Variants in OTOGL observed in about 807,000 individuals in gnomAD.
OTOGL encodes the protein otogelin-like protein.
OTOGL carries 285 observed loss-of-function variants against 318.5 expected under a neutral mutation model. That is an observed-to-expected ratio of 0.89 (90% confidence interval 0.81 to 0.99). The LOEUF (loss-of-function observed/expected upper bound fraction) is 0.99. Ranked by LOEUF, OTOGL falls within the 50% of genes least tolerant of loss-of-function variation. The pLI is 0.00. For missense variants in OTOGL, 2,899 were observed against 2,845.6 expected, an observed-to-expected ratio of 1.02 and a Z score of -0.43; for synonymous variants, 987 against 936.5, an observed-to-expected ratio of 1.05 and a Z score of -0.99.
In OTOGL at chr12:80,236,812, T is replaced by TTTTC. The variant is rs1247609819; in HGVS notation, c.818-2035_818-2032dup. Among the ~76,000 whole-genome samples, 485 of 147,188 alleles carry TTTTC rather than the reference T, an allele frequency of 3.3e-3. 3 individuals are homozygous for TTTTC. Among genetic ancestry groups the TTTTC allele is most frequent in the African/African-American group, 0.012 (459 of 39,610 alleles). On this transcript the variant is annotated intron_variant, in intron 9 of 58. Coordinates refer to ENST00000547103, the MANE Select transcript of OTOGL (RefSeq NM_001378609.3). ...TTTTGTTTTTCTTTTTTTCTTTTTC[T>TTTTC]TTTCTTTTTTTTTTTTGTTTGAGAC...
intron 44 of OTOGL, among the ~76,000 whole-genome samples, chr12:80,348,205 C>T (rs1889322711): frequency 6.6e-6 from 1 of 151,524 alleles, no homozygotes. Context: ...CCATGACTGT[C>T]CTGAATGATA....
At chr12:80,289,705 A>G (rs2137672750) in intron 26 of OTOGL, among the ~76,000 whole-genome samples, 1 of 152,196 alleles carries the variant, frequency 6.6e-6, no homozygotes, top group East Asian at 1.9e-4. Flanking sequence ...TGAGGGGAAA[A>G]CCATCTACTC....
intron 1 of OTOGL, among the ~76,000 whole-genome samples, chr12:80,157,291 AT>A (rs899073094): frequency 6.6e-6 from 1 of 151,808 alleles, no homozygotes; most frequent in African/African-American, 2.4e-5. Flanking sequence ...AGATTATTAG[AT>A]TTTTTTCCCC....
At chr12:80,266,648 G>A in intron 21 of OTOGL, 32 bp downstream of exon 21, 3 of 1,582,252 alleles carry the variant, frequency 1.9e-6, no homozygotes, top group East Asian at 4.5e-5. Flanking sequence ...GCAGCATCCT[G>A]TTTTAATCTC....
chr12:80,351,381 T>C (rs1889539076), intron 44 of OTOGL, among the ~76,000 whole-genome samples: 1 of 152,096 alleles, frequency 6.6e-6, no homozygotes, highest in Non-Finnish European at 1.5e-5. Context: ...AGTGGTGCGA[T>C]CTCGGCTCAC....
intron 1 of OTOGL, among the ~76,000 whole-genome samples, chr12:80,107,690 G>C (rs1869537651): frequency 6.6e-6 from 1 of 151,926 alleles, no homozygotes; most frequent in African/African-American, 2.4e-5. Context: ...CAAAGACATG[G>C]AATCAACCTA....
At chr12:80,193,284 G>A (rs1423714278) in intron 1 of OTOGL, among the ~76,000 whole-genome samples, 1 of 152,202 alleles carries the variant, frequency 6.6e-6, no homozygotes, top group Non-Finnish European at 1.5e-5. Context: ...TTGGGAGGCT[G>A]TGGTGGGCAG....
chr12:80,311,607 A>G (rs578216938), intron 30 of OTOGL, among the ~76,000 whole-genome samples: 1 of 152,032 alleles, frequency 6.6e-6, no homozygotes, highest in Non-Finnish European at 1.5e-5. Context: ...GGGTCTCGCC[A>G]TGTTGGCCAG....
At chr12:80,239,979 T>C (rs1327865748) in intron 11 of OTOGL, among the ~76,000 whole-genome samples, 6 of 152,258 alleles carry the variant, frequency 3.9e-5, no homozygotes, top group Admixed American at 1.3e-4. Context: ...GAATGTGTGA[T>C]ATTTGTCTTT....
At chr12:80,283,131 T>A (rs1332586631) in intron 26 of OTOGL, among the ~76,000 whole-genome samples, 1 of 151,986 alleles carries the variant, frequency 6.6e-6, no homozygotes, top group African/African-American at 2.4e-5. Context: ...CAAATTGATG[T>A]GTAGAGCTCT....
At chr12:80,183,669 G>A (rs934864248) in intron 1 of OTOGL, among the ~76,000 whole-genome samples, 1 of 152,220 alleles carries the variant, frequency 6.6e-6, no homozygotes, top group African/African-American at 2.4e-5. Flanking sequence ...GAATGTGTAA[G>A]ATTCCATGAG....
chr12:80,307,513 C>A (rs1261211477), intron 29 of OTOGL, among the ~76,000 whole-genome samples: 1 of 147,724 alleles, frequency 6.8e-6, no homozygotes, highest in Non-Finnish European at 1.5e-5. Context: ...TAGGGGCGGC[C>A]GGGCGGAGGC....
intron 11 of OTOGL, among the ~76,000 whole-genome samples, chr12:80,249,225 G>T (rs1334532122): frequency 6.7e-6 from 1 of 149,022 alleles, no homozygotes; most frequent in Non-Finnish European, 1.5e-5. Context: ...CGTTCCTTTG[G>T]AGGAGGAGAG....
chr12:80,256,579 A>T, intron 17 of OTOGL, 119 bp downstream of exon 17: 3 of 1,376,702 alleles, frequency 2.2e-6, no homozygotes, highest in Non-Finnish European at 2.9e-6. Context: ...CCTAGCATTT[A>T]TAGAGTTTGT....
intron 1 of OTOGL, among the ~76,000 whole-genome samples, chr12:80,121,071 A>G (rs1052790035): frequency 6.6e-6 from 1 of 152,154 alleles, no homozygotes; most frequent in Admixed American, 6.6e-5. Context: ...GTCTGAGGGG[A>G]TATTCAAGCT....
At chr12:80,365,107 A>G (rs1217254151) in intron 52 of OTOGL, among the ~76,000 whole-genome samples, 1 of 152,090 alleles carries the variant, frequency 6.6e-6, no homozygotes, top group Non-Finnish European at 1.5e-5. Flanking sequence ...TTACTCAGAA[A>G]GGTAAACATG....
chr12:80,236,805 C>G (rs12581227), intron 9 of OTOGL, among the ~76,000 whole-genome samples: 1 of 147,392 alleles, frequency 6.8e-6, no homozygotes, highest in Non-Finnish European at 1.5e-5. Flanking sequence ...TTCTTTTTTT[C>G]TTTTTCTTTT....
chr12:80,291,543 G>C (rs1422709304), intron 26 of OTOGL, among the ~76,000 whole-genome samples: 1 of 152,158 alleles, frequency 6.6e-6, no homozygotes, highest in South Asian at 2.1e-4. Flanking sequence ...ATAACTTGGG[G>C]TTCCTAAGCC....
At chr12:80,117,565 T>A (rs1294241821) in intron 1 of OTOGL, among the ~76,000 whole-genome samples, 1 of 152,186 alleles carries the variant, frequency 6.6e-6, no homozygotes, top group Non-Finnish European at 1.5e-5. Context: ...TTTCCGTACC[T>A]CCTGCCTCTC....
Sources: allele counts gnomAD v4.1 joint callset (sites outside exome capture counted in the v4.1 genomes callset), GRCh38; gene constraint gnomAD v4.1.1; transcripts MANE v1.5; gene names NCBI Gene and HGNC (gene_info 2026-07-23, HGNC 2026-07-21).